Variants in ROBO1 observed in about 807,000 individuals in gnomAD.
ROBO1 encodes roundabout homolog 1.
In ROBO1, 149 loss-of-function variants were observed where a neutral mutation model predicts 195.9. That is an observed-to-expected ratio of 0.76 (90% confidence interval 0.67 to 0.87). The LOEUF is 0.87. ROBO1 is among the 40% of genes least tolerant of loss of function. The pLI, the probability that ROBO1 is intolerant of heterozygous loss-of-function variation, is 0.00. For synonymous variants in ROBO1, 816 were observed against 733.2 expected, an observed-to-expected ratio of 1.11 and a Z score of -1.82; for missense variants, 1,933 against 2,068.3, an observed-to-expected ratio of 0.93 and a Z score of 1.27.
At chr3:79,398,255 T>C (rs1218243815) in intron 2 of ROBO1, among the ~76,000 whole-genome samples, 3 of 152,086 alleles carry the variant, frequency 2.0e-5, no homozygotes, top group Non-Finnish European at 4.4e-5. Flanking sequence ...CATAATTTAA[T>C]ATACAGAAAT....
At chr3:78,849,573 A>G (rs570368761) in intron 4 of ROBO1, among the ~76,000 whole-genome samples, 1 of 152,098 alleles carries the variant, frequency 6.6e-6, no homozygotes, top group Non-Finnish European at 1.5e-5. Flanking sequence ...TTGAAAATAA[A>G]TATCACAGAA....
At chr3:79,496,609 G>C (rs1019060500) in intron 2 of ROBO1, among the ~76,000 whole-genome samples, 1 of 148,344 alleles carries the variant, frequency 6.7e-6, no homozygotes. Flanking sequence ...GGATGGTCTC[G>C]ATCTCCTGAC....
chr3:79,682,789 T>C (rs1398220247), intron 1 of ROBO1, among the ~76,000 whole-genome samples: 3 of 152,018 alleles, frequency 2.0e-5, no homozygotes, highest in Admixed American at 6.6e-5. Context: ...TTTCATTTTT[T>C]AGGTATTAAA....
intron 4 of ROBO1, among the ~76,000 whole-genome samples, chr3:78,869,434 C>T (rs759911731): frequency 3.9e-5 from 6 of 152,102 alleles, no homozygotes; most frequent in Admixed American, 1.3e-4. Context: ...TAGTGTATAG[C>T]TCATCAACAT....
intron 4 of ROBO1, among the ~76,000 whole-genome samples, chr3:78,799,563 G>A (rs867941377): frequency 8.6e-5 from 13 of 151,686 alleles, no homozygotes; most frequent in South Asian, 2.1e-4. Context: ...GGATGGTCTC[G>A]ATCTCCTGAC....
chr3:79,649,651 G>A (rs1469650386), intron 1 of ROBO1, among the ~76,000 whole-genome samples: 2 of 152,056 alleles, frequency 1.3e-5, no homozygotes, highest in Non-Finnish European at 2.9e-5. Context: ...TTGAATGGAT[G>A]AAGGAATACC....
chr3:78,906,219 G>A (rs1257821491), intron 4 of ROBO1, among the ~76,000 whole-genome samples: 3 of 151,998 alleles, frequency 2.0e-5, no homozygotes, highest in South Asian at 2.1e-4. Context: ...ACACGGAATC[G>A]TGTGCCCCAA....
At chr3:79,744,223 G>A (rs751986952) in intron 1 of ROBO1, among the ~76,000 whole-genome samples, 25 of 152,142 alleles carry the variant, frequency 1.6e-4, no homozygotes, top group African/African-American at 5.3e-4. Flanking sequence ...TTATAATCTC[G>A]TGGGTCCACC....
chr3:78,666,984 T>A (rs746231424), intron 14 of ROBO1, among the ~76,000 whole-genome samples: 14 of 152,144 alleles, frequency 9.2e-5, no homozygotes, highest in Non-Finnish European at 4.4e-5. Flanking sequence ...TAGAATTACC[T>A]TTCTTTACTA....
At chr3:79,042,322 T>C (rs981847977) in intron 3 of ROBO1, among the ~76,000 whole-genome samples, 5 of 152,160 alleles carry the variant, frequency 3.3e-5, no homozygotes, top group Admixed American at 3.3e-4. Flanking sequence ...GTTTAATATT[T>C]ATAACATTCT....
chr3:78,890,223 A>C (rs967513431), intron 4 of ROBO1, among the ~76,000 whole-genome samples: 1 of 152,170 alleles, frequency 6.6e-6, no homozygotes, highest in African/African-American at 2.4e-5. Flanking sequence ...CCATGTATAA[A>C]TAAAGAATTC....
At chr3:79,633,677 C>A (rs963762852) in intron 1 of ROBO1, among the ~76,000 whole-genome samples, 8 of 151,706 alleles carry the variant, frequency 5.3e-5, no homozygotes, top group African/African-American at 1.7e-4. Context: ...AGGCTTGATT[C>A]CTTGTTGTTC....
chr3:78,865,111 T>C (rs1222592601), intron 4 of ROBO1, among the ~76,000 whole-genome samples: 1 of 152,198 alleles, frequency 6.6e-6, no homozygotes, highest in Non-Finnish European at 1.5e-5. Flanking sequence ...TGTGGGAAAC[T>C]GTTTAGATCA....
intron 1 of ROBO1, among the ~76,000 whole-genome samples, chr3:79,652,133 T>G (rs556159244): frequency 6.6e-6 from 1 of 152,232 alleles, no homozygotes; most frequent in South Asian, 2.1e-4. Context: ...TTCCTATAAT[T>G]TTAAAAAATA....
chr3:79,719,063 T>C (rs1411667054), intron 1 of ROBO1, among the ~76,000 whole-genome samples: 1 of 152,022 alleles, frequency 6.6e-6, no homozygotes, highest in Non-Finnish European at 1.5e-5. Context: ...TTATACTCAA[T>C]GGCAGATCCA....
At chr3:78,887,729 C>G (rs895755855) in intron 4 of ROBO1, among the ~76,000 whole-genome samples, 10 of 152,054 alleles carry the variant, frequency 6.6e-5, no homozygotes, top group African/African-American at 2.4e-4. Context: ...TGCTTCTATC[C>G]CACAGTTAAG....
At chr3:78,916,886 A>G (rs1332018341) in intron 4 of ROBO1, among the ~76,000 whole-genome samples, 1 of 152,164 alleles carries the variant, frequency 6.6e-6, no homozygotes, top group Non-Finnish European at 1.5e-5. Flanking sequence ...TGTCATAACC[A>G]TCTTCTTTGA....
At chr3:79,388,367 C>T (rs1371386731) in intron 2 of ROBO1, among the ~76,000 whole-genome samples, 1 of 151,220 alleles carries the variant, frequency 6.6e-6, no homozygotes, top group African/African-American at 2.4e-5. Flanking sequence ...GTTATAGTAT[C>T]TCTCTCTCTC....
intron 3 of ROBO1, among the ~76,000 whole-genome samples, chr3:79,046,967 A>C (rs2078606765): frequency 6.6e-6 from 1 of 152,156 alleles, no homozygotes; most frequent in South Asian, 2.1e-4. Flanking sequence ...ACTAATACAG[A>C]GTTCGGCATC....
Sources: gnomAD v4.1 joint callset for allele counts (sites outside exome capture counted in the v4.1 genomes callset) on GRCh38, gnomAD v4.1.1 for gene constraint, MANE v1.5 for transcripts, NCBI Gene and HGNC (gene_info 2026-07-23, HGNC 2026-07-21) for gene names.